MTHFD1: variants seen among roughly 807,000 people sequenced by gnomAD.
MTHFD1 encodes the protein C-1-tetrahydrofolate synthase, cytoplasmic.
Under a neutral mutation model 110.3 loss-of-function variants are expected in MTHFD1, and 44 were observed. The ratio of observed to expected loss-of-function variants is 0.40; its 90% confidence interval spans 0.31 to 0.51. The LOEUF (loss-of-function observed/expected upper bound fraction) is 0.51. Ranked by LOEUF, MTHFD1 falls within the 20% of genes least tolerant of loss-of-function variation. The pLI is 0.60. For missense variants in MTHFD1, 909 were observed against 1,173.1 expected (o/e 0.77, Z 3.29); for synonymous variants, 402 against 428.8 (o/e 0.94, Z 0.77).
intron 26 of MTHFD1, among the ~76,000 whole-genome samples, chr14:64,456,759 G>A (rs1166369458): frequency 6.6e-6 from 1 of 152,188 alleles, no homozygotes; most frequent in Non-Finnish European, 1.5e-5. Flanking sequence ...TCCCTATAAT[G>A]TGTTTTGGGG....
intron 2 of MTHFD1, among the ~76,000 whole-genome samples, chr14:64,409,857 A>C (rs770555637): frequency 6.6e-6 from 1 of 152,194 alleles, no homozygotes; most frequent in African/African-American, 2.4e-5. Context: ...TAATAGCACC[A>C]ATATGACAAG....
At chr14:64,408,159 C>T (rs539912201) in intron 2 of MTHFD1, among the ~76,000 whole-genome samples, 2 of 152,130 alleles carry the variant, frequency 1.3e-5, no homozygotes, top group East Asian at 1.9e-4. Flanking sequence ...AAATATACAC[C>T]GTCTGCCCCT....
rs750051239 is a variant in MTHFD1 at position 64,425,839 on chromosome 14, G to A, written c.953+12G>A. On this transcript the variant is annotated intron_variant, in intron 10 of 27. Coordinates refer to ENST00000652337, the MANE Select transcript of MTHFD1 (RefSeq NM_005956.4). ...ACACCTGTTCCAAGGTAAAAATAAA[G>A]TTTTACTGATTTAAAACTTTGTGAA... 4 of 1,610,032 alleles carry A rather than the reference G, an allele frequency of 2.5e-6. No individual in the cohort carries two copies. The East Asian group carries it at 6.7e-5, about 27-fold the overall frequency.
intron 17 of MTHFD1, chr14:64,439,509 T>C (rs1466017214): frequency 5.7e-6 from 2 of 351,764 alleles, no homozygotes; most frequent in Non-Finnish European, 1.1e-5. Flanking sequence ...TATTATTCCC[T>C]TGTATATGAA....
chr14:64,433,032 G>T (rs184336426), intron 15 of MTHFD1, among the ~76,000 whole-genome samples: 1 of 152,292 alleles, frequency 6.6e-6, no homozygotes. Flanking sequence ...AAAGTGTTGG[G>T]ATTACTGGCG....
intron 6 of MTHFD1, among the ~76,000 whole-genome samples, chr14:64,416,050 C>T (rs2078023455): frequency 6.6e-6 from 1 of 152,124 alleles, no homozygotes; most frequent in Admixed American, 6.6e-5. Context: ...CGAGACCAGC[C>T]TGGTCAACAT....
At chr14:64,454,933 T>C in intron 26 of MTHFD1, 58 bp downstream of exon 26, 1 of 1,573,714 alleles carries the variant, frequency 6.4e-7, no homozygotes, top group Non-Finnish European at 8.7e-7. Flanking sequence ...CTGAAGTGTG[T>C]TGCCGAAACC....
intron 8 of MTHFD1, among the ~76,000 whole-genome samples, chr14:64,424,436 T>C (rs2078103695): frequency 6.6e-6 from 1 of 152,206 alleles, no homozygotes; most frequent in Non-Finnish European, 1.5e-5. Context: ...GAGTTGGATC[T>C]TTGTGCACCC....
At chr14:64,424,748 G>A (rs919079463) in intron 8 of MTHFD1, 56 bp from the exon 9 acceptor site, 19 of 1,603,862 alleles carry the variant, frequency 1.2e-5, no homozygotes, top group African/African-American at 2.7e-5. Context: ...TGTCGTAACT[G>A]ATCACCAGGA....
chr14:64,441,036 A>G, intron 18 of MTHFD1: 2 of 337,390 alleles, frequency 5.9e-6, no homozygotes, highest in South Asian at 4.9e-5. Flanking sequence ...CTAAAAATAC[A>G]AAAAAATTAG....
intron 15 of MTHFD1, 98 bp from the exon 16 acceptor site, chr14:64,435,471 A>G: frequency 1.3e-6 from 1 of 781,992 alleles, no homozygotes; most frequent in South Asian, 1.4e-5. Context: ...CATTTCCTAG[A>G]GGGGATCCCA....
intron 1 of MTHFD1, among the ~76,000 whole-genome samples, chr14:64,399,574 G>T (rs1006206294): frequency 1.3e-5 from 2 of 149,542 alleles, no homozygotes; most frequent in Non-Finnish European, 1.5e-5. Flanking sequence ...CAGCAGAATC[G>T]CTTGAACCCA....
intron 26 of MTHFD1, 53 bp from the exon 27 acceptor site, chr14:64,458,161 G>A: frequency 4.3e-6 from 6 of 1,379,524 alleles, no homozygotes; most frequent in South Asian, 2.3e-5. Context: ...GATTATAGGC[G>A]TGAGCCACTG....
At chr14:64,412,208 C>A (rs749586485) in intron 3 of MTHFD1, among the ~76,000 whole-genome samples, 1 of 152,146 alleles carries the variant, frequency 6.6e-6, no homozygotes, top group Non-Finnish European at 1.5e-5. Context: ...CCCAGCTTGG[C>A]TTTTCCCTTT....
chr14:64,435,448 T>A, intron 15 of MTHFD1, 121 bp from the exon 16 acceptor site: 1 of 731,688 alleles, frequency 1.4e-6, no homozygotes, highest in Non-Finnish European at 2.5e-6. Context: ...CCTTCTGAAT[T>A]TAAGATGGTT....
intron 1 of MTHFD1, among the ~76,000 whole-genome samples, chr14:64,391,587 G>A (rs150011934): frequency 1.6e-4 from 25 of 152,218 alleles, no homozygotes; most frequent in African/African-American, 5.8e-4. Context: ...CTGGGAGCTC[G>A]GACATCAACA....
intron 2 of MTHFD1, among the ~76,000 whole-genome samples, chr14:64,408,993 T>C (rs1248147413): frequency 6.6e-6 from 1 of 152,168 alleles, no homozygotes; most frequent in African/African-American, 2.4e-5. Context: ...AGAGTGACTC[T>C]TTGAATTGGC....
Position 64,454,811 on chromosome 14 carries a change from T to G in MTHFD1, c.2654T>G (p.Ile885Ser), listed in dbSNP as rs2078439293. ...CAAAAAGGTGTCCCTACAGGCTTCA[T>G]TCTGCCCATTCGCGACATCCGCGCC... The part of the protein sequence containing the change: ...PEQKGVPTGF[I>S]LPIRDIRASV... Residue 885 changes from isoleucine (I) to serine (S), a missense_variant, in exon 26 of 28, where the codon ATT becomes AGT. Ile to Ser is a moderately radical substitution (Grantham distance 142). Coordinates refer to ENST00000652337, the MANE Select transcript of MTHFD1 (RefSeq NM_005956.4). 6.2e-7 allele frequency: 1 copy of G among 1,614,120 alleles called. No individual in the cohort carries two copies. Among genetic ancestry groups the G allele is most frequent in the African/African-American group, 1.3e-5 (1 of 74,954 alleles).
At chr14:64,430,446 G>C (rs1298236194) in intron 13 of MTHFD1, among the ~76,000 whole-genome samples, 1 of 152,142 alleles carries the variant, frequency 6.6e-6, no homozygotes, top group Non-Finnish European at 1.5e-5. Flanking sequence ...TTACAGGCAT[G>C]CACCACCACG....
Sources: gnomAD v4.1 joint callset for allele counts (sites outside exome capture counted in the v4.1 genomes callset) on GRCh38, gnomAD v4.1.1 for gene constraint, MANE v1.5 for transcripts, NCBI Gene and HGNC (gene_info 2026-07-23, HGNC 2026-07-21) for gene names.